The following U2SURP variants were observed in gnomAD, a reference collection of about 807,000 sequenced individuals.
The protein encoded by U2SURP is U2 snRNP-associated SURP motif-containing protein.
Under a neutral mutation model 144.9 loss-of-function variants are expected in U2SURP, and 9 were observed. The ratio of observed to expected loss-of-function variants is 0.06; its 90% confidence interval spans 0.04 to 0.11. The LOEUF (loss-of-function observed/expected upper bound fraction) is 0.11, where lower values mean the gene tolerates loss of function less well. Among genes scored for constraint, U2SURP ranks in the 10% least tolerant of loss-of-function variants. The pLI is 1.00. For missense variants in U2SURP, 724 were observed against 1,226.7 expected (o/e 0.59, Z 6.12); for synonymous variants, 408 against 396.8 (o/e 1.03, Z -0.33).
Position 143,029,193 on chromosome 3 carries a change from A to G in U2SURP, c.1610+547A>G, listed in dbSNP as rs148386378. Among the ~76,000 whole-genome samples, 1,163 of 152,322 alleles carry G rather than the reference A, an allele frequency of 7.6e-3. 6 individuals carry two copies. Among genetic ancestry groups the G allele is most frequent in the African/African-American group, 0.024 (1,011 of 41,560 alleles). On this transcript the variant is annotated intron_variant, in intron 16 of 27. Coordinates refer to ENST00000473835, the MANE Select transcript of U2SURP (RefSeq NM_001080415.2). ...ATTAAATGTTCAGAGGACATCCTGT[A>G]TACCTCATGGGAAAACATTGGCTAA... is the stretch of plus-strand genomic sequence containing the variant.
At position 143,032,827 on chromosome 3, in the gene U2SURP, A is replaced by G; in HGVS notation, c.1654A>G (p.Arg552Gly). The G allele has an allele frequency of 1.9e-6, 3 of 1,613,596 alleles. No individual in the cohort carries two copies. Among genetic ancestry groups the G allele is most frequent in the Non-Finnish European group, 2.5e-6 (3 of 1,179,674 alleles). ...AGAAATCTTGCGGGGATTAACTCCAAGGAAAAATGATATTGGAGATGCAAT... is the reference window on the plus strand; with the variant it reads ...AGAAATCTTGCGGGGATTAACTCCAGGGAAAAATGATATTGGAGATGCAAT... ...LEEILRGLTP[R>G]KNDIGDAMVF... The change falls in exon 17 of 28, where the codon AGG becomes GGG. Residue 552 changes from arginine to glycine, a missense_variant. Around this residue, in one of 13 missense-constraint regions of U2SURP, gnomAD observed 66 missense variants for 95.0 expected, o/e 0.69. Coordinates refer to ENST00000473835, the MANE Select transcript of U2SURP (RefSeq NM_001080415.2).
At chr3:143,030,683 A>G (rs763282849) in intron 16 of U2SURP, among the ~76,000 whole-genome samples, 8 of 152,152 alleles carry the variant, frequency 5.3e-5, no homozygotes, top group African/African-American at 1.2e-4. Context: ...ATAGATAGTG[A>G]TTCCTCCAGT....
Position 143,001,662 on chromosome 3 carries a change from G to A in U2SURP, c.34G>A (p.Ala12Thr). 1 of 1,613,972 alleles carries A rather than the reference G, an allele frequency of 6.2e-7. No homozygotes were observed. Residue 12 changes from alanine to threonine, a missense_variant, in exon 1 of 28, where the codon GCC becomes ACC. Ala to Thr is a moderately conservative substitution (Grantham distance 58, BLOSUM62 0). Coordinates refer to ENST00000473835, the MANE Select transcript of U2SURP (RefSeq NM_001080415.2). Reference sequence around the variant, plus strand: ...CAAAACGCCAGGCGGATCTCAGAAGGCCAGTTCAAAGGTAATTTCTGACAA... The same window carrying A: ...CAAAACGCCAGGCGGATCTCAGAAGACCAGTTCAAAGGTAATTTCTGACAA... ...ADKTPGGSQK[A>T]SSKTRSSDVH...
chr3:143,004,556 G>C (rs1218391571), intron 1 of U2SURP, among the ~76,000 whole-genome samples: 1 of 98,068 alleles, frequency 1.0e-5, no homozygotes, highest in Admixed American at 1.1e-4. Context: ...TTCATCTGTT[G>C]GCCTCTTGAC....
chr3:143,035,593 T>C (rs182403010), intron 19 of U2SURP, among the ~76,000 whole-genome samples: 1 of 152,232 alleles, frequency 6.6e-6, no homozygotes, highest in African/African-American at 2.4e-5. Flanking sequence ...TAGCCAGAAT[T>C]AGGAAGTACT....
chr3:143,021,333 CT>C lies in U2SURP; in HGVS notation c.734-13del, dbSNP rs1560183881. On this transcript the variant is annotated splice_polypyrimidine_tract_variant and intron_variant, in intron 8 of 27. Transcript: ENST00000473835. The stretch of plus-strand genomic sequence containing the variant: ...TATTATAAAAACTAATAATTGTCTT[CT>C]TTTCTCCCCTTTAAGTGGACGCGCC... 1 of 1,580,426 alleles carries C rather than the reference CT, an allele frequency of 6.3e-7. No homozygotes were observed. Among genetic ancestry groups the C allele is most frequent in the Non-Finnish European group, 8.6e-7 (1 of 1,161,522 alleles).
chr3:143,015,732 G>C (rs16852899), intron 4 of U2SURP, among the ~76,000 whole-genome samples: 5,544 of 151,892 alleles, frequency 0.036, 289 homozygotes, highest in African/African-American at 0.12. Flanking sequence ...CCTTTCTTCT[G>C]TTCATACATG....
chr3:143,045,445 A>G (rs1367093216), intron 24 of U2SURP, among the ~76,000 whole-genome samples: 6 of 151,856 alleles, frequency 4.0e-5, no homozygotes, highest in East Asian at 3.9e-4. Flanking sequence ...GACTTGAGTT[A>G]AATAGAAGTG....
At position 143,056,375 on chromosome 3, in the gene U2SURP, A is replaced by C. The variant is rs766240246; in HGVS notation, c.3015A>C (p.Lys1005Asn). Reference protein sequence around the residue: ...SRRSRSRSPKKSGKKSRSQSR... With the variant: ...SRRSRSRSPKNSGKKSRSQSR... ...GATCACGGTCTAGATCTCCTAAAAAATCAGGAAAGAAGTCCAGATCCCAGT... is the reference window on the plus strand; with the variant it reads ...GATCACGGTCTAGATCTCCTAAAAACTCAGGAAAGAAGTCCAGATCCCAGT... The change falls in exon 28 of 28, where the codon AAA becomes AAC. Residue 1005 changes from lysine (K) to asparagine (N), a missense_variant. This residue lies in a region of U2SURP where 129 missense variants were observed against 196.1 expected (regional missense o/e 0.66). Transcript: ENST00000473835. 6.2e-7 allele frequency: 1 copy of C among 1,612,824 alleles called. No individual in the cohort carries two copies. Among genetic ancestry groups the C allele is most frequent in the Non-Finnish European group, 8.5e-7 (1 of 1,179,326 alleles).
In U2SURP at chr3:143,058,555, A is replaced by T. The variant is rs915247229; in HGVS notation, c.*2105A>T. On this transcript the variant is annotated 3_prime_UTR_variant, in exon 28 of 28. Transcript: ENST00000473835. ...TTCTGTGAAGTTTGTTAATGTACAT[A>T]TTAGATTGTATTGGATTTTTTTTTC... The T allele has an allele frequency of 6.6e-6, 1 of 151,774 alleles. No individual in the cohort carries two copies. The highest frequency in any genetic ancestry group is 2.4e-5 in the African/African-American group (1 of 41,370). The allele number at this position is 151,774 out of a possible 1,614,324, so 9.4% of individuals were successfully genotyped here.
Position 143,037,166 on chromosome 3 carries a change from C to G in U2SURP, c.2065-13C>G, listed in dbSNP as rs772492215. 6 of 1,606,938 alleles carry G rather than the reference C, an allele frequency of 3.7e-6. No individual in the cohort carries two copies. Among genetic ancestry groups the G allele is most frequent in the Non-Finnish European group, 5.1e-6 (6 of 1,176,404 alleles). ...AGCAAAGGAAAATGTTATAATAGTA[C>G]ACATTTCCATAGGATGTTCCAGATG... is the stretch of plus-strand genomic sequence containing the variant. On this transcript the variant is annotated splice_polypyrimidine_tract_variant and intron_variant, in intron 20 of 27. Transcript: ENST00000473835.
intron 16 of U2SURP, among the ~76,000 whole-genome samples, chr3:143,029,283 T>C (rs1411673640): frequency 2.0e-5 from 3 of 152,240 alleles, no homozygotes; most frequent in Non-Finnish European, 4.4e-5. Flanking sequence ...TGACTTACTG[T>C]GCTCTGCAGA....
chr3:143,043,850 G>A (rs1461225181), intron 24 of U2SURP, among the ~76,000 whole-genome samples: 1 of 150,650 alleles, frequency 6.6e-6, no homozygotes, highest in African/African-American at 2.4e-5. Context: ...CTCACTGCAA[G>A]CTCTCCCTCC....
chr3:143,047,727 A>G (rs1934597595), intron 24 of U2SURP, among the ~76,000 whole-genome samples: 1 of 73,566 alleles, frequency 1.4e-5, no homozygotes, highest in African/African-American at 5.5e-5. Context: ...CACCTCCCGG[A>G]CTGGGCGGCT....
intron 8 of U2SURP, 43 bp downstream of exon 8, chr3:143,020,736 C>T (rs906289915): frequency 2.1e-6 from 3 of 1,441,826 alleles, no homozygotes; most frequent in East Asian, 4.6e-5. Context: ...TGATTAATTA[C>T]AGTAGTTCCC....
intron 16 of U2SURP, 67 bp downstream of exon 16, chr3:143,028,713 T>A (rs1933302028): frequency 3.6e-6 from 5 of 1,375,600 alleles, no homozygotes; most frequent in Non-Finnish European, 9.9e-7. Context: ...TAATTAATGG[T>A]CTTATTAAGA....
At chr3:143,022,392 C>A (rs907586396) in intron 10 of U2SURP, 105 bp from the exon 11 acceptor site, 2 of 1,075,366 alleles carry the variant, frequency 1.9e-6, no homozygotes, top group Non-Finnish European at 2.5e-6. Context: ...AATTGAAGCA[C>A]GTTGCTATGT....
chr3:143,025,202 A>G (rs1330592910), intron 13 of U2SURP, among the ~76,000 whole-genome samples: 3 of 152,198 alleles, frequency 2.0e-5, no homozygotes, highest in South Asian at 4.1e-4. Context: ...GTTTAAAACT[A>G]TAGTGGGTTT....
intron 24 of U2SURP, among the ~76,000 whole-genome samples, chr3:143,047,852 G>A (rs1248478201): frequency 8.5e-5 from 8 of 93,722 alleles, no homozygotes; most frequent in Non-Finnish European, 1.3e-4. Context: ...CTCACCTCCC[G>A]GACGGGGCGG....
Sources: allele counts gnomAD v4.1 joint callset (sites outside exome capture counted in the v4.1 genomes callset), GRCh38; gene constraint gnomAD v4.1.1; regional missense constraint gnomAD v4.1.1; transcripts MANE v1.5; gene names NCBI Gene and HGNC (gene_info 2026-07-23, HGNC 2026-07-21).